Variants in LINGO2 observed in about 807,000 individuals in gnomAD.
LINGO2 encodes leucine rich repeat and Ig domain containing 2.
In LINGO2, 14 loss-of-function variants were observed where a neutral mutation model predicts 30.6. The ratio of observed to expected loss-of-function variants is 0.46; its 90% CI spans 0.30 to 0.72. The LOEUF (loss-of-function observed/expected upper bound fraction) is 0.72. Ranked by LOEUF, LINGO2 falls within the 30% of genes least tolerant of loss-of-function variation. LINGO2 has a pLI of 0.07. For missense variants in LINGO2, 729 were observed against 751.7 expected (o/e 0.97, Z 0.35); for synonymous variants, 317 against 288.5 (o/e 1.10, Z -1.00).
At chr9:28,415,939 G>A (rs1376884586) in intron 2 of LINGO2, among the ~76,000 whole-genome samples, 1 of 152,220 alleles carries the variant, frequency 6.6e-6, no homozygotes, top group African/African-American at 2.4e-5. Context: ...AGATCAACAA[G>A]TGTTTAACAC....
chr9:28,212,696 T>G (rs891803115), intron 4 of LINGO2, among the ~76,000 whole-genome samples: 2 of 151,214 alleles, frequency 1.3e-5, no homozygotes, highest in Admixed American at 6.6e-5. Context: ...AAATTTAAGA[T>G]AAATAAAATT....
At chr9:28,059,256 C>A (rs989807361) in intron 4 of LINGO2, among the ~76,000 whole-genome samples, 1 of 152,096 alleles carries the variant, frequency 6.6e-6, no homozygotes, top group East Asian at 1.9e-4. Context: ...ACCCTTTTGA[C>A]CTCCACATTC....
chr9:28,714,453 G>A, the LINGO2 span, among the ~76,000 whole-genome samples: 1 of 151,952 alleles, frequency 6.6e-6, no homozygotes, highest in African/African-American at 2.4e-5. Context: ...TTTTCACAGT[G>A]TCTCGTAGAT....
chr9:29,173,838 G>A, the LINGO2 span, among the ~76,000 whole-genome samples: 2 of 151,790 alleles, frequency 1.3e-5, no homozygotes, highest in African/African-American at 4.8e-5. Flanking sequence ...ATTCATCTAA[G>A]GCAAGAAGTA....
rs58187845 is a variant in LINGO2 at position 28,335,094 on chromosome 9, C to T, written c.-246+37742G>A. On this transcript the variant is annotated intron_variant, in intron 3 of 5. Transcript: ENST00000379992. ...TACAATTATAATTATTTTTAAATTC[C>T]TTCTCTTCCTCTAGTTAGCTGTTAA... is the stretch of plus-strand genomic sequence containing the variant. Among the ~76,000 whole-genome samples, 425 of 152,160 alleles carry T rather than the reference C, an allele frequency of 2.8e-3. 3 individuals are homozygous for T. Among genetic ancestry groups the T allele is most frequent in the African/African-American group, 9.8e-3 (408 of 41,520 alleles).
chr9:28,032,410 T>C (rs1404522433), intron 4 of LINGO2, among the ~76,000 whole-genome samples: 1 of 152,208 alleles, frequency 6.6e-6, no homozygotes. Context: ...GGGAGATTCC[T>C]GTCTTTGTCA....
chr9:28,963,814 A>G, the LINGO2 span, among the ~76,000 whole-genome samples: 1 of 151,836 alleles, frequency 6.6e-6, no homozygotes, highest in African/African-American at 2.4e-5. Flanking sequence ...AGATTGGTTA[A>G]TGGGTACAAA....
the LINGO2 span, among the ~76,000 whole-genome samples, chr9:28,878,521 C>A: frequency 6.6e-6 from 1 of 152,108 alleles, no homozygotes; most frequent in Non-Finnish European, 1.5e-5. Flanking sequence ...CAAAGCCAGG[C>A]AGAGACACAA....
At chr9:28,570,559 A>C (rs1342093392) in intron 1 of LINGO2, among the ~76,000 whole-genome samples, 1 of 151,948 alleles carries the variant, frequency 6.6e-6, no homozygotes, top group South Asian at 2.1e-4. Flanking sequence ...AAGTACTATC[A>C]GAAGCATATA....
intron 4 of LINGO2, among the ~76,000 whole-genome samples, chr9:28,283,438 T>G (rs550790391): frequency 3.7e-4 from 56 of 152,276 alleles, no homozygotes; most frequent in African/African-American, 1.3e-3. Flanking sequence ...GCTTTCAAAT[T>G]CATGGAAAGG....
chr9:28,228,412 G>C (rs1007952489), intron 4 of LINGO2, among the ~76,000 whole-genome samples: 7 of 151,970 alleles, frequency 4.6e-5, no homozygotes, highest in African/African-American at 1.7e-4. Context: ...TTGGCATACA[G>C]CAAGACCATG....
chr9:28,332,419 A>T (rs1488776868), intron 3 of LINGO2, among the ~76,000 whole-genome samples: 3 of 152,136 alleles, frequency 2.0e-5, no homozygotes, highest in Non-Finnish European at 4.4e-5. Context: ...GGAAGTGAAA[A>T]CAGTAATGTA....
chr9:28,432,198 T>A (rs1002787702), intron 2 of LINGO2, among the ~76,000 whole-genome samples: 2 of 152,124 alleles, frequency 1.3e-5, no homozygotes, highest in Non-Finnish European at 2.9e-5. Flanking sequence ...AGAAGTTATA[T>A]ACTAGTTTGT....
intron 1 of LINGO2, among the ~76,000 whole-genome samples, chr9:28,517,230 C>T (rs1308440522): frequency 6.6e-6 from 1 of 152,124 alleles, no homozygotes; most frequent in Non-Finnish European, 1.5e-5. Flanking sequence ...TTTCTTCCCC[C>T]TCCACCCCCA....
At chr9:28,959,037 A>G in the LINGO2 span, among the ~76,000 whole-genome samples, 1 of 152,306 alleles carries the variant, frequency 6.6e-6, no homozygotes, top group East Asian at 1.9e-4. Flanking sequence ...TCTGTGGTGT[A>G]GCTTGGTGTA....
chr9:28,350,388 CA>C (rs1819813368), intron 3 of LINGO2, among the ~76,000 whole-genome samples: 1 of 148,550 alleles, frequency 6.7e-6, no homozygotes, highest in South Asian at 2.2e-4. Context: ...CAACAAAGAT[CA>C]AAAGAGACAA....
chr9:28,098,594 T>C (rs572266761), intron 4 of LINGO2, among the ~76,000 whole-genome samples: 1 of 152,164 alleles, frequency 6.6e-6, no homozygotes, highest in Non-Finnish European at 1.5e-5. Context: ...ATATACTAAA[T>C]ATCCTCTGTG....
the LINGO2 span, among the ~76,000 whole-genome samples, chr9:28,806,346 C>T: frequency 6.6e-6 from 1 of 152,128 alleles, no homozygotes; most frequent in Non-Finnish European, 1.5e-5. Context: ...TCCCTTGTTG[C>T]TATCTCAGGT....
chr9:28,563,232 T>A (rs114767020), intron 1 of LINGO2, among the ~76,000 whole-genome samples: 2,872 of 152,214 alleles, frequency 0.019, 49 homozygotes, highest in African/African-American at 0.04. Flanking sequence ...TCAGAACTAA[T>A]AAAGGGAAGA....
Sources: gnomAD v4.1 joint callset for allele counts (sites outside exome capture counted in the v4.1 genomes callset) on GRCh38, gnomAD v4.1.1 for gene constraint, MANE v1.5 for transcripts, NCBI Gene and HGNC (gene_info 2026-07-23, HGNC 2026-07-21) for gene names.